The following ABCB7 variants were observed in gnomAD, a reference collection of about 807,000 sequenced individuals.
The protein encoded by ABCB7 is iron-sulfur clusters transporter ABCB7, mitochondrial.
In ABCB7, 7 loss-of-function variants were observed where a neutral mutation model predicts 54.4. That is an observed-to-expected ratio of 0.13 (90% CI 0.07 to 0.24). ABCB7 has a LOEUF of 0.24. Among genes scored for constraint, ABCB7 ranks in the 10% least tolerant of loss-of-function variants. ABCB7 has a pLI of 1.00. For synonymous variants in ABCB7, 218 were observed against 207.1 expected (o/e 1.05, Z -0.45); for missense variants, 356 against 570.4 (o/e 0.62, Z 3.83).
intron 1 of ABCB7, among the ~76,000 whole-genome samples, chrX:75,135,620 C>T (rs759548938): frequency 1.6e-4 from 18 of 111,536 alleles, no homozygotes; most frequent in Admixed American, 3.8e-4. Context: ...CAACAAAAAG[C>T]TAATCCACCA....
intron 2 of ABCB7, among the ~76,000 whole-genome samples, chrX:75,113,235 T>C (rs1280335412): frequency 8.9e-6 from 1 of 112,262 alleles, no homozygotes; most frequent in Non-Finnish European, 1.9e-5. Context: ...ATTTAACCTG[T>C]TTTACACTTC....
intron 10 of ABCB7, among the ~76,000 whole-genome samples, chrX:75,069,994 C>G (rs1269597579): frequency 4.5e-5 from 5 of 110,869 alleles, no homozygotes; most frequent in Admixed American, 2.9e-4. Flanking sequence ...CCTGACTCAG[C>G]CTCCCGAGTA....
intron 13 of ABCB7, among the ~76,000 whole-genome samples, chrX:75,064,570 A>G (rs963179914): frequency 5.1e-4 from 57 of 111,629 alleles, no homozygotes; most frequent in African/African-American, 1.8e-3. Context: ...GCCACAGAAC[A>G]AAGGACATGA....
At chrX:75,100,346 G>C (rs2081629455) in intron 3 of ABCB7, among the ~76,000 whole-genome samples, 1 of 110,727 alleles carries the variant, frequency 9.0e-6, no homozygotes, top group Admixed American at 9.7e-5. Context: ...ACTAAAATCT[G>C]TAACATGGCT....
Position 75,085,972 on chromosome X carries a change from G to A in ABCB7, c.454-9318C>T, listed in dbSNP as rs184091579. On this transcript the variant is annotated intron_variant, in intron 4 of 15. Transcript: ENST00000373394. ...AGTGATTCTCATGCCTCAGCCTCCC[G>A]AGTAGCTAGGACTACAGGCACGAAC... Among the ~76,000 whole-genome samples the A allele has an allele frequency of 3.6e-3, 388 of 108,804 alleles. 1 individual carries two copies. The highest frequency in any genetic ancestry group is 0.012 in the African/African-American group (372 of 29,777). 94.5% of individuals were successfully genotyped at this position (108,804 alleles called of 115,157 possible).
intron 13 of ABCB7, among the ~76,000 whole-genome samples, chrX:75,063,565 G>A (rs1266479992): frequency 1.8e-5 from 2 of 110,538 alleles, no homozygotes; most frequent in Non-Finnish European, 3.8e-5. Flanking sequence ...CTCCTAACAA[G>A]GCAGGTACCA....
intron 4 of ABCB7, among the ~76,000 whole-genome samples, chrX:75,094,003 A>T (rs2081565145): frequency 1.1e-5 from 1 of 91,641 alleles, no homozygotes; most frequent in African/African-American, 4.8e-5. Context: ...CTCCTTTTGG[A>T]TGTTTCTGTT....
chrX:75,065,089 T>C lies in ABCB7; in HGVS notation c.1812A>G (p.Glu604=), dbSNP rs1157926029. Residue 604 remains glutamate (E), a synonymous_variant, in exon 13 of 16, where the codon GAA becomes GAG. Coordinates refer to ENST00000373394, the MANE Select transcript of ABCB7 (RefSeq NM_001271696.3). Reference sequence around the variant, plus strand: ...GATCACCTGAAAGCTTGAGTCCTCGTTCCCCTACTTGGGTGTCATATCCAT... The same window carrying C: ...GATCACCTGAAAGCTTGAGTCCTCGCTCCCCTACTTGGGTGTCATATCCAT... ...MPHGYDTQVG[E]RGLKLSGGEK... is the part of the protein sequence containing the mutation. 8.3e-7 allele frequency: 1 copy of C among 1,208,714 alleles called. No individual in the cohort carries two copies. Among genetic ancestry groups the C allele is most frequent in the Non-Finnish European group, 1.1e-6 (1 of 894,825 alleles).
intron 15 of ABCB7, among the ~76,000 whole-genome samples, chrX:75,057,027 C>T (rs1007127944): frequency 1.8e-5 from 2 of 111,983 alleles, no homozygotes; most frequent in African/African-American, 6.5e-5. Context: ...ATATGCAATT[C>T]GTTTTACTTC....
In ABCB7 at chrX:75,070,607, C is replaced by T. The variant is rs374078410; in HGVS notation, c.1208-85G>A. The stretch of plus-strand genomic sequence containing the variant: ...ACGATAGGTTTATAGTCTATTACGA[C>T]GGAACAAAATATTCTTAATCAGCAA... On this transcript the variant is annotated intron_variant, in intron 9 of 15. Coordinates refer to ENST00000373394, the MANE Select transcript of ABCB7 (RefSeq NM_001271696.3). 6.4e-5 allele frequency: 60 copies of T among 941,001 alleles called. 1 individual carries two copies. Among genetic ancestry groups the T allele is most frequent in the East Asian group, 4.6e-4 (15 of 32,259 alleles). 77.5% of individuals were successfully genotyped at this position (941,001 alleles called of 1,213,427 possible).
intron 1 of ABCB7, among the ~76,000 whole-genome samples, chrX:75,120,123 C>A (rs1207736634): frequency 1.8e-5 from 2 of 111,694 alleles, no homozygotes; most frequent in Non-Finnish European, 3.8e-5. Flanking sequence ...TGCTGCTGAT[C>A]CTTTGTTTTA....
Position 75,098,933 on chromosome X carries a change from A to G in ABCB7, c.453+9T>C. The G allele has an allele frequency of 8.3e-7, 1 of 1,211,349 alleles. No individual in the cohort carries two copies. Among genetic ancestry groups the G allele is most frequent in the Non-Finnish European group, 1.1e-6 (1 of 895,210 alleles). The stretch of plus-strand genomic sequence containing the variant: ...AGTTAGAGCAACCAAACAATGCATA[A>G]TTTCTTACCTTTGCACCACCCAAAA... On this transcript the variant is annotated intron_variant, in intron 4 of 15. Coordinates refer to ENST00000373394, the MANE Select transcript of ABCB7 (RefSeq NM_001271696.3).
intron 15 of ABCB7, among the ~76,000 whole-genome samples, chrX:75,055,406 A>C (rs2081229490): frequency 9.3e-6 from 1 of 107,273 alleles, no homozygotes; most frequent in Non-Finnish European, 1.9e-5. Context: ...ACTATACCAC[A>C]CTCAGGAAAT....
At chrX:75,133,787 G>C in intron 1 of ABCB7, among the ~76,000 whole-genome samples, 1 of 111,784 alleles carries the variant, frequency 8.9e-6, no homozygotes, top group African/African-American at 3.3e-5. Flanking sequence ...AATGTTAAGG[G>C]AATTCATTAC....
At chrX:75,069,671 CTT>C (rs1203407644) in intron 10 of ABCB7, among the ~76,000 whole-genome samples, 2 of 109,233 alleles carry the variant, frequency 1.8e-5, no homozygotes, top group Admixed American at 9.8e-5. Context: ...TTCTGAGCAA[CTT>C]TTTTTTGAGG....
intron 8 of ABCB7, 40 bp downstream of exon 8, chrX:75,073,649 C>T: frequency 9.9e-7 from 1 of 1,012,814 alleles, no homozygotes; most frequent in Non-Finnish European, 1.4e-6. Context: ...AATCTTAGTG[C>T]AGTGTGAAAG....
At chrX:75,142,546 TATG>T (rs2082061215) in intron 1 of ABCB7, among the ~76,000 whole-genome samples, 2 of 111,820 alleles carry the variant, frequency 1.8e-5, no homozygotes, top group African/African-American at 3.2e-5. Context: ...TAGAAAGAAA[TATG>T]ATGTTTGCAT....
intron 3 of ABCB7, among the ~76,000 whole-genome samples, chrX:75,111,457 C>A (rs945174897): frequency 8.9e-6 from 1 of 111,748 alleles, no homozygotes; most frequent in East Asian, 2.8e-4. Context: ...TCAAAATTAT[C>A]ATCTCCATTT....
Position 75,146,961 on chromosome X carries a change from TAAAC to T in ABCB7, c.168+9140_168+9143del, listed in dbSNP as rs761142139. 1.2e-4 allele frequency among the ~76,000 whole-genome samples: 12 copies of T among 102,978 alleles called. No individual in the cohort carries two copies. The South Asian group carries it at 5.0e-3, about 43-fold the overall frequency. 89.4% of individuals were successfully genotyped at this position (102,978 alleles called of 115,157 possible). A position where few individuals can be genotyped will look rare whatever the true frequency, so the allele number is the denominator to read the frequency against. ...TAATATCCAGCATCTATAAGGAACT[TAAAC>T]AAATTTACAAGAAAAAAAAACATAA... is the stretch of plus-strand genomic sequence containing the variant. On this transcript the variant is annotated intron_variant, in intron 1 of 15. Transcript: ENST00000373394.
Sources: allele counts gnomAD v4.1 joint callset (sites outside exome capture counted in the v4.1 genomes callset), GRCh38; gene constraint gnomAD v4.1.1; transcripts MANE v1.5; gene names NCBI Gene and HGNC (gene_info 2026-07-23, HGNC 2026-07-21).